Variants in HS6ST2 observed in about 807,000 individuals in gnomAD.
HS6ST2 encodes the protein heparan sulfate 6-O-sulfotransferase 2.
HS6ST2 carries 17 observed loss-of-function variants against 33.0 expected under a neutral mutation model. The ratio of observed to expected loss-of-function variants is 0.52; its 90% CI spans 0.35 to 0.77. The LOEUF (loss-of-function observed/expected upper bound fraction) is 0.77. Ranked by LOEUF, HS6ST2 falls within the 30% of genes least tolerant of loss-of-function variation. The pLI is 0.01. For synonymous variants in HS6ST2, 248 were observed against 237.1 expected (o/e 1.05, Z -0.42); for missense variants, 519 against 551.7 (o/e 0.94, Z 0.59).
chrX:132,780,599 G>A (rs758104070), intron 2 of HS6ST2, among the ~76,000 whole-genome samples: 250 of 111,465 alleles, frequency 2.2e-3, no homozygotes, highest in Middle Eastern at 9.2e-3. Context: ...GCTATGGCTC[G>A]TTGACAGGTC....
At chrX:132,783,686 G>A (rs1466980312) in intron 2 of HS6ST2, among the ~76,000 whole-genome samples, 1 of 111,018 alleles carries the variant, frequency 9.0e-6, no homozygotes, top group Non-Finnish European at 1.9e-5. Context: ...TGGAATTGCT[G>A]CACTCTAGGA....
chrX:132,782,112 G>A, intron 2 of HS6ST2, among the ~76,000 whole-genome samples: 1 of 111,909 alleles, frequency 8.9e-6, no homozygotes, highest in Non-Finnish European at 1.9e-5. Flanking sequence ...GTAAATGTAA[G>A]CCTGTTTTTA....
chrX:132,690,359 T>G (rs1274537889), intron 3 of HS6ST2, among the ~76,000 whole-genome samples: 1 of 111,279 alleles, frequency 9.0e-6, no homozygotes, highest in East Asian at 2.8e-4. Context: ...ATGGAAAGAG[T>G]CTTCAATTTC....
rs189215409 is a variant in HS6ST2, at chrX:132,893,155, C to T, written c.947+63653G>A. Among the ~76,000 whole-genome samples the T allele has an allele frequency of 4.6e-4, 51 of 111,768 alleles. 1 individual carries two copies. The highest frequency in any genetic ancestry group is 4.6e-3 in the Middle Eastern group (1 of 217). On this transcript the variant is annotated intron_variant, in intron 2 of 4. Transcript: ENST00000370833. ...GTAGAGACATCAGAACATAAAGAGG[C>T]AGTGAGATGTGGTAGAATGAGGACC... is the stretch of plus-strand genomic sequence containing the variant.
chrX:132,882,458 T>C (rs1300748807), intron 2 of HS6ST2, among the ~76,000 whole-genome samples: 3 of 105,152 alleles, frequency 2.9e-5, no homozygotes, highest in Non-Finnish European at 5.9e-5. Context: ...ATGCTTGTGA[T>C]TTTTGCACAT....
At chrX:132,884,302 A>C (rs2066222147) in intron 2 of HS6ST2, among the ~76,000 whole-genome samples, 1 of 111,967 alleles carries the variant, frequency 8.9e-6, no homozygotes, top group African/African-American at 3.2e-5. Flanking sequence ...GGAGGGAGAG[A>C]GATGAAGGAT....
intron 2 of HS6ST2, among the ~76,000 whole-genome samples, chrX:132,779,797 A>G (rs776042114): frequency 1.2e-3 from 129 of 110,767 alleles, no homozygotes; most frequent in Middle Eastern, 4.6e-3. Flanking sequence ...CAATAACCCT[A>G]TAAGGTTGGT....
chrX:132,878,140 G>A (rs1206519347), intron 2 of HS6ST2, among the ~76,000 whole-genome samples: 2 of 111,975 alleles, frequency 1.8e-5, no homozygotes, highest in Non-Finnish European at 1.9e-5. Flanking sequence ...GAAGAATTAG[G>A]CATGCAGACA....
chrX:132,726,913 T>A (rs912072524), intron 2 of HS6ST2, among the ~76,000 whole-genome samples: 2 of 110,962 alleles, frequency 1.8e-5, no homozygotes, highest in African/African-American at 6.6e-5. Context: ...GTAAAATGCA[T>A]CTAATCAGTC....
At chrX:132,949,065 T>C (rs917588704) in intron 2 of HS6ST2, among the ~76,000 whole-genome samples, 31 of 111,634 alleles carry the variant, frequency 2.8e-4, no homozygotes, top group Non-Finnish European at 5.1e-4. Context: ...GTAATACTCT[T>C]ATGCAGTGAA....
intron 3 of HS6ST2, among the ~76,000 whole-genome samples, chrX:132,689,626 C>T (rs2064045020): frequency 8.9e-6 from 1 of 112,131 alleles, no homozygotes; most frequent in African/African-American, 3.2e-5. Flanking sequence ...GCATAATATT[C>T]CACTTTTGTA....
chrX:132,704,188 C>A (rs2064168678), intron 3 of HS6ST2, among the ~76,000 whole-genome samples: 2 of 112,460 alleles, frequency 1.8e-5, no homozygotes, highest in African/African-American at 6.5e-5. Context: ...TTCAGTACAT[C>A]ATCTTTCCCC....
At chrX:132,812,616 C>T (rs1284324226) in intron 2 of HS6ST2, among the ~76,000 whole-genome samples, 1 of 106,612 alleles carries the variant, frequency 9.4e-6, no homozygotes, top group Admixed American at 1.0e-4. Flanking sequence ...GCCCTTCTCC[C>T]ACATTTAAAT....
chrX:132,923,386 T>A (rs1038446495), intron 2 of HS6ST2, among the ~76,000 whole-genome samples: 3 of 111,282 alleles, frequency 2.7e-5, no homozygotes, highest in Non-Finnish European at 5.6e-5. Context: ...GAAGTCCATT[T>A]AGATGGTTGG....
chrX:132,779,209 A>G (rs780192608), intron 2 of HS6ST2, among the ~76,000 whole-genome samples: 4 of 110,901 alleles, frequency 3.6e-5, no homozygotes, highest in Admixed American at 2.9e-4. Flanking sequence ...TGAAAACAAG[A>G]CTCCATCTTT....
At chrX:132,808,478 C>T (rs1041406083) in intron 2 of HS6ST2, among the ~76,000 whole-genome samples, 4 of 111,524 alleles carry the variant, frequency 3.6e-5, no homozygotes, top group African/African-American at 1.3e-4. Context: ...GCTCATGGCT[C>T]CACTTTCTCC....
At chrX:132,743,611 G>A (rs932323092) in intron 2 of HS6ST2, among the ~76,000 whole-genome samples, 3 of 111,620 alleles carry the variant, frequency 2.7e-5, no homozygotes, top group Non-Finnish European at 5.6e-5. Context: ...CTTCAGCTAT[G>A]AGAGAGGGCG....
chrX:132,737,705 C>A (rs1016132151), intron 2 of HS6ST2, among the ~76,000 whole-genome samples: 2 of 112,421 alleles, frequency 1.8e-5, no homozygotes, highest in African/African-American at 3.2e-5. Flanking sequence ...GTCAAACCAG[C>A]GGAAGGGGCA....
intron 2 of HS6ST2, among the ~76,000 whole-genome samples, chrX:132,858,937 G>T (rs963432007): frequency 4.4e-5 from 5 of 112,413 alleles, no homozygotes; most frequent in African/African-American, 1.6e-4. Flanking sequence ...AGTGAGCAAA[G>T]CACGGGCTGC....
Sources: gnomAD v4.1 joint callset for allele counts (sites outside exome capture counted in the v4.1 genomes callset) on GRCh38, gnomAD v4.1.1 for gene constraint, MANE v1.5 for transcripts, NCBI Gene and HGNC (gene_info 2026-07-23, HGNC 2026-07-21) for gene names.